Variants in FSTL1 observed in about 807,000 individuals in gnomAD.
The protein encoded by FSTL1 is follistatin like 1, also known as follistatin-related protein 1.
FSTL1 carries 24 observed loss-of-function variants against 45.9 expected under a neutral mutation model. The ratio of observed to expected loss-of-function variants is 0.52; its 90% CI spans 0.38 to 0.74. The LOEUF is 0.74. Among genes scored for constraint, FSTL1 ranks in the 30% least tolerant of loss-of-function variants. The pLI is 0.00. For synonymous variants in FSTL1, 120 were observed against 137.6 expected (o/e 0.87, Z 0.89); for missense variants, 340 against 381.8 (o/e 0.89, Z 0.91).
rs149509930 is a variant in FSTL1 at position 120,410,973 on chromosome 3, C to G, written c.310G>C (p.Val104Leu). The change falls in exon 5 of 11, where the codon GTA becomes CTA. Residue 104 changes from valine (V) to leucine (L), a missense_variant. By Grantham distance (32) the Val-to-Leu change is conservative (BLOSUM62 1). Coordinates refer to ENST00000295633, the MANE Select transcript of FSTL1 (RefSeq NM_007085.5). ...TCACCTGGGCTGGCAGATGGACTTA[C>G]GGATTTCTTCTCTGCAAGACAAAAA... Reference protein sequence around the residue: ...YDGHCKEKKSVSPSASPVVCY... With the variant: ...YDGHCKEKKSLSPSASPVVCY... 1.2e-6 allele frequency: 2 copies of G among 1,608,806 alleles called. No homozygotes were observed. The highest frequency in any genetic ancestry group is 1.7e-6 in the Non-Finnish European group (2 of 1,176,166).
At chr3:120,439,575 C>T (rs1451412033) in intron 2 of FSTL1, among the ~76,000 whole-genome samples, 1 of 152,186 alleles carries the variant, frequency 6.6e-6, no homozygotes, top group Non-Finnish European at 1.5e-5. Context: ...ATAAACATCA[C>T]ATGACTCAGA....
At chr3:120,434,441 G>C (rs537330563) in intron 2 of FSTL1, among the ~76,000 whole-genome samples, 10 of 152,286 alleles carry the variant, frequency 6.6e-5, no homozygotes, top group African/African-American at 1.9e-4. Flanking sequence ...TATGAGGTGA[G>C]TTCAGCAAGG....
At position 120,412,918 on chromosome 3, in the gene FSTL1, T is replaced by C. The variant is rs571781216; in HGVS notation, c.169-935A>G. On this transcript the variant is annotated intron_variant, in intron 3 of 10. Coordinates refer to ENST00000295633, the MANE Select transcript of FSTL1 (RefSeq NM_007085.5). ...CTAACTGTAAGGATCTCTTGCTGTA[T>C]ATACTATTGGGGGAACACTTTGTTT... 2.0e-5 allele frequency among the ~76,000 whole-genome samples: 3 copies of C among 152,160 alleles called. No individual in the cohort carries two copies. The South Asian group carries it at 6.2e-4, about 32-fold the overall frequency.
chr3:120,396,736 C>T lies in FSTL1; in HGVS notation c.*216G>A. 1.8e-6 allele frequency: 1 copy of T among 556,312 alleles called. No individual in the cohort carries two copies. Among genetic ancestry groups the T allele is most frequent in the Non-Finnish European group, 3.2e-6 (1 of 313,292 alleles). The allele number at this position is 556,312 out of a possible 1,614,324, so 34.5% of individuals were successfully genotyped here. A position where few individuals can be genotyped will look rare whatever the true frequency, so the allele number is the denominator to read the frequency against. On this transcript the variant is annotated 3_prime_UTR_variant, in exon 11 of 11. Transcript: ENST00000295633. ...AGCCCCAGAGCACCATTTACAGTTTCTCTTAAAGCACTCCTAGAAATGAAG... is the reference window on the plus strand; with the variant it reads ...AGCCCCAGAGCACCATTTACAGTTTTTCTTAAAGCACTCCTAGAAATGAAG...
At chr3:120,404,668 A>C (rs974524035) in intron 7 of FSTL1, among the ~76,000 whole-genome samples, 185 bp downstream of exon 7, 3 of 152,256 alleles carry the variant, frequency 2.0e-5, no homozygotes, top group African/African-American at 7.2e-5. Context: ...ATTTGATTAG[A>C]TATCAGTGGT....
intron 10 of FSTL1, among the ~76,000 whole-genome samples, chr3:120,398,629 T>C (rs1038953846): frequency 6.6e-6 from 1 of 152,226 alleles, no homozygotes; most frequent in Non-Finnish European, 1.5e-5. Context: ...CTTCATTACT[T>C]CCTTCTCTTT....
At chr3:120,431,043 C>A (rs1937467746) in intron 2 of FSTL1, among the ~76,000 whole-genome samples, 1 of 152,184 alleles carries the variant, frequency 6.6e-6, no homozygotes, top group African/African-American at 2.4e-5. Flanking sequence ...ATGATCTCAG[C>A]TCACTGCAAA....
intron 7 of FSTL1, among the ~76,000 whole-genome samples, chr3:120,403,944 A>AAC (rs1936888197): frequency 8.9e-6 from 1 of 112,628 alleles, no homozygotes; most frequent in Admixed American, 9.2e-5. Flanking sequence ...AAAAAAAAAA[A>AAC]CAAAAACAAA....
intron 2 of FSTL1, among the ~76,000 whole-genome samples, chr3:120,437,751 G>A (rs142660840): frequency 4.8e-4 from 73 of 152,330 alleles, no homozygotes; most frequent in African/African-American, 1.7e-3. Context: ...TCCCCAGTCA[G>A]GATCAATAGC....
chr3:120,397,033 A>G lies in FSTL1; in HGVS notation c.883-37T>C, dbSNP rs556516098. 4.1e-5 allele frequency: 62 copies of G among 1,502,876 alleles called. 1 individual carries two copies. In the South Asian group the frequency reaches 6.9e-4, roughly 17 times the overall value. The allele number at this position is 1,502,876 out of a possible 1,614,324, so 93.1% of individuals were successfully genotyped here. Reference sequence around the variant, plus strand: ...AAGAGAAAATAGGCGTCATGGAAATATTAAACAACTGTTGGAATTTATCTG... The same window carrying G: ...AAGAGAAAATAGGCGTCATGGAAATGTTAAACAACTGTTGGAATTTATCTG... On this transcript the variant is annotated intron_variant, in intron 10 of 10. Transcript: ENST00000295633.
At position 120,396,518 on chromosome 3, in the gene FSTL1, A is replaced by G. The variant is rs988788531; in HGVS notation, c.*434T>C. On this transcript the variant is annotated 3_prime_UTR_variant, in exon 11 of 11. Coordinates refer to ENST00000295633, the MANE Select transcript of FSTL1 (RefSeq NM_007085.5). Reference sequence around the variant, plus strand: ...AGGTCTGTCATGCTGACGGCAATGGAAAGAGGCTGGAAGCAGAGAGCGTTC... The same window carrying G: ...AGGTCTGTCATGCTGACGGCAATGGGAAGAGGCTGGAAGCAGAGAGCGTTC... 1 of 159,848 alleles carries G rather than the reference A, an allele frequency of 6.3e-6. No homozygotes were observed. Among genetic ancestry groups the G allele is most frequent in the Non-Finnish European group, 1.4e-5 (1 of 72,930 alleles). 9.9% of individuals were successfully genotyped at this position (159,848 alleles called of 1,614,324 possible). A position where few individuals can be genotyped will look rare whatever the true frequency, so the allele number is the denominator to read the frequency against.
intron 2 of FSTL1, among the ~76,000 whole-genome samples, chr3:120,422,405 T>A (rs1937293959): frequency 6.6e-6 from 1 of 152,220 alleles, no homozygotes. Context: ...TTGATTATGG[T>A]GAACATTTCA....
In FSTL1 at chr3:120,402,817, T is replaced by A. The variant is rs763320508; in HGVS notation, c.796A>T (p.Thr266Ser). 6.3e-6 allele frequency: 10 copies of A among 1,585,850 alleles called. No homozygotes were observed. The East Asian group carries it at 1.6e-4, about 25-fold the overall frequency. Residue 266 changes from threonine to serine, a missense_variant, in exon 9 of 11, where the codon ACC becomes TCC. Coordinates refer to ENST00000295633, the MANE Select transcript of FSTL1 (RefSeq NM_007085.5). Reference protein sequence around the residue: ...ACGNWVCTAMTCDGKNQKGAQ... With the variant: ...ACGNWVCTAMSCDGKNQKGAQ... ...TTGAAGCACAGCTCACCGTCACAGG[T>A]CATGGCTGTACAGACCCAATTTCCA... is the stretch of plus-strand genomic sequence containing the variant.
chr3:120,445,209 CTG>C (rs1937711509), intron 2 of FSTL1, among the ~76,000 whole-genome samples: 1 of 149,934 alleles, frequency 6.7e-6, no homozygotes, highest in African/African-American at 2.5e-5. Flanking sequence ...CTGTATTTCA[CTG>C]TGTTTGCTGC....
intron 3 of FSTL1, among the ~76,000 whole-genome samples, chr3:120,412,415 C>T (rs1937074706): frequency 6.6e-6 from 1 of 152,192 alleles, no homozygotes; most frequent in East Asian, 1.9e-4. Context: ...GCCCTTTGGC[C>T]CTTCTGCCTT....
chr3:120,412,028 G>A (rs769564796), intron 3 of FSTL1, 45 bp from the exon 4 acceptor site: 14 of 1,498,730 alleles, frequency 9.3e-6, no homozygotes, highest in African/African-American at 2.8e-5. Context: ...TATGGATATC[G>A]ACACACAGAC....
chr3:120,448,274 C>G (rs1479678948), intron 2 of FSTL1, among the ~76,000 whole-genome samples: 1 of 152,184 alleles, frequency 6.6e-6, no homozygotes, highest in African/African-American at 2.4e-5. Context: ...AATAGATTGT[C>G]ACTAAGGACT....
rs868365629 is a variant in FSTL1, at chr3:120,412,844, A to G, written c.169-861T>C. ...TGCGCGCGCGCGCGCGCGCGCACAC[A>G]CACACACACACACACACACACACAC... On this transcript the variant is annotated intron_variant, in intron 3 of 10. Transcript: ENST00000295633. Among the ~76,000 whole-genome samples, 922 of 145,178 alleles carry G rather than the reference A, an allele frequency of 6.4e-3. 3 individuals carry two copies. The highest frequency in any genetic ancestry group is 9.7e-3 in the Non-Finnish European group (644 of 66,186).
At chr3:120,402,983 A>C (rs1251357543) in intron 8 of FSTL1, 65 bp from the exon 9 acceptor site, 4 of 1,050,044 alleles carry the variant, frequency 3.8e-6, no homozygotes, top group Non-Finnish European at 6.0e-6. Context: ...TCTTTGCTAC[A>C]GTCTGTGCAC....
Sources: gnomAD v4.1 joint callset for allele counts (sites outside exome capture counted in the v4.1 genomes callset) on GRCh38, gnomAD v4.1.1 for gene constraint, MANE v1.5 for transcripts, NCBI Gene and HGNC (gene_info 2026-07-23, HGNC 2026-07-21) for gene names.